The following JAKMIP3 variants were observed in gnomAD, a reference collection of about 807,000 sequenced individuals.
JAKMIP3 encodes the protein janus kinase and microtubule-interacting protein 3.
Under a neutral mutation model 118.5 loss-of-function variants are expected in JAKMIP3, and 58 were observed. That is an observed-to-expected ratio of 0.49 (90% CI 0.40 to 0.61). The LOEUF (loss-of-function observed/expected upper bound fraction) is 0.61. Ranked by LOEUF, JAKMIP3 falls within the 20% of genes least tolerant of loss-of-function variation. JAKMIP3 has a pLI of 0.00. For synonymous variants in JAKMIP3, 486 were observed against 451.2 expected (o/e 1.08, Z -0.98); for missense variants, 950 against 1,109.0 (o/e 0.86, Z 2.04).
intron 2 of JAKMIP3, among the ~76,000 whole-genome samples, chr10:132,114,354 A>G (rs1018346563): frequency 6.6e-6 from 1 of 152,202 alleles, no homozygotes; most frequent in African/African-American, 2.4e-5. Context: ...AGCTGGGACT[A>G]CAGGCGTGCA....
chr10:132,042,805 G>A (rs1452799850), intron 1 of JAKMIP3, among the ~76,000 whole-genome samples: 1 of 152,106 alleles, frequency 6.6e-6, no homozygotes, highest in East Asian at 1.9e-4. Flanking sequence ...GAGCTGTTTT[G>A]TATCAGCTTT....
chr10:132,133,715 G>A (rs903802827), intron 4 of JAKMIP3, among the ~76,000 whole-genome samples, 188 bp downstream of exon 4: 5 of 152,208 alleles, frequency 3.3e-5, no homozygotes, highest in African/African-American at 1.2e-4. Context: ...TGGTCCAGAG[G>A]GCTGGTGGAC....
At chr10:132,072,304 G>A (rs1004481719) in intron 1 of JAKMIP3, among the ~76,000 whole-genome samples, 2 of 152,040 alleles carry the variant, frequency 1.3e-5, no homozygotes, top group African/African-American at 4.8e-5. Context: ...CAGCACTTTG[G>A]GAGGCTGCGG....
intron 1 of JAKMIP3, among the ~76,000 whole-genome samples, chr10:132,100,524 C>T (rs2044685851): frequency 6.6e-6 from 1 of 152,206 alleles, no homozygotes; most frequent in Admixed American, 6.5e-5. Flanking sequence ...TGATTCTCTG[C>T]ACCCTGGTTC....
chr10:132,148,150 A>G, intron 14 of JAKMIP3, 100 bp downstream of exon 14: 1 of 695,170 alleles, frequency 1.4e-6, no homozygotes. Context: ...GAACATGAAC[A>G]TGAACATGAA....
intron 1 of JAKMIP3, among the ~76,000 whole-genome samples, chr10:132,090,154 A>G (rs192974097): frequency 3.9e-5 from 6 of 152,294 alleles, no homozygotes; most frequent in Admixed American, 3.9e-4. Flanking sequence ...CGTCAGGGAT[A>G]TTGGTCTAAA....
chr10:132,039,709 C>T (rs1177066188), intron 1 of JAKMIP3, among the ~76,000 whole-genome samples: 3 of 152,248 alleles, frequency 2.0e-5, no homozygotes, highest in African/African-American at 7.2e-5. Context: ...CCCCCGATTC[C>T]CTACAGCGGC....
At chr10:132,149,571 T>TCTCCGCCCCCGCCCCCCCCCC (rs2055457183) in intron 15 of JAKMIP3, 61 bp downstream of exon 15, 3 of 311,842 alleles carry the variant, frequency 9.6e-6, no homozygotes, top group African/African-American at 2.1e-4. Flanking sequence ...CCCCACCCCC[T>TCTCCGCCCCCGCCCCCCCCCC]CTCCGCCCCC....
intron 9 of JAKMIP3, among the ~76,000 whole-genome samples, chr10:132,139,172 G>A (rs2052601740): frequency 9.1e-6 from 1 of 109,444 alleles, no homozygotes; most frequent in South Asian, 3.5e-4. Context: ...GTACATGTGT[G>A]TATGTGTCTG....
upstream of JAKMIP3, among the ~76,000 whole-genome samples, chr10:132,063,469 C>A (rs1007638164): frequency 6.6e-6 from 1 of 152,226 alleles, no homozygotes; most frequent in Non-Finnish European, 1.5e-5. Context: ...TCATCTATTC[C>A]TGTGTTTTCC....
At chr10:132,157,457 G>A (rs756987333) in intron 19 of JAKMIP3, among the ~76,000 whole-genome samples, 2 of 152,098 alleles carry the variant, frequency 1.3e-5, no homozygotes, top group Non-Finnish European at 2.9e-5. Context: ...CATTTCTGAC[G>A]TCCCGACACA....
chr10:132,083,472 T>C (rs2134248740), intron 1 of JAKMIP3, among the ~76,000 whole-genome samples: 1 of 152,310 alleles, frequency 6.6e-6, no homozygotes, highest in East Asian at 1.9e-4. Flanking sequence ...TTTCTCCCAT[T>C]CTCTGGGTTG....
At chr10:132,163,067 G>T (rs1366987773) in intron 19 of JAKMIP3, 142 bp from the exon 20 acceptor site, 3 of 777,148 alleles carry the variant, frequency 3.9e-6, no homozygotes, top group African/African-American at 3.5e-5. Flanking sequence ...CTTCTGCAGA[G>T]GCCACAGCAC....
At chr10:132,144,938 C>A (rs2054307148) in intron 11 of JAKMIP3, among the ~76,000 whole-genome samples, 169 bp from the exon 12 acceptor site, 1 of 151,896 alleles carries the variant, frequency 6.6e-6, no homozygotes, top group East Asian at 1.9e-4. Flanking sequence ...CAAAAAAAAA[C>A]AAAACAGTTC....
At chr10:132,065,693 C>T (rs1487470756), upstream of JAKMIP3, among the ~76,000 whole-genome samples, 1 of 152,146 alleles carries the variant, frequency 6.6e-6, no homozygotes, top group East Asian at 1.9e-4. This position sits in a 1 kb window ranked among gnomAD's most constrained non-coding sequence, Gnocchi z 5.6. Context: ...GCTGTGCCTT[C>T]GGCCGCCCGG....
In JAKMIP3 at chr10:132,149,499, G is replaced by A. The variant is rs1413063933; in HGVS notation, c.1936G>A (p.Glu646Lys). The A allele has an allele frequency of 1.7e-5, 27 of 1,571,660 alleles. No individual in the cohort carries two copies. Among genetic ancestry groups the A allele is most frequent in the Middle Eastern group, 1.7e-4 (1 of 5,944 alleles). Reference protein sequence around the residue: ...KSPLQVYCEAEGVTDIVVAEL... With the variant: ...KSPLQVYCEAKGVTDIVVAEL... ...CCCCCTCCAGGTGTACTGCGAGGCC[G>A]AAGGTGTGACGGTGAGTCCCGCCCC... Residue 646 changes from glutamate (E) to lysine (K), a missense_variant, in exon 15 of 24, where the codon GAA becomes AAA. Physicochemically the swap from Glu to Lys is moderately conservative, Grantham distance 56. Transcript: ENST00000684848.
intron 16 of JAKMIP3, 49 bp from the exon 17 acceptor site, chr10:132,152,909 C>T (rs1355045913): frequency 2.0e-6 from 3 of 1,467,858 alleles, no homozygotes; most frequent in Admixed American, 1.9e-5. Context: ...CACCCTCACC[C>T]CCAAAGGCAC....
intron 1 of JAKMIP3, among the ~76,000 whole-genome samples, chr10:132,090,178 G>C (rs1273845012): frequency 6.6e-6 from 1 of 152,084 alleles, no homozygotes; most frequent in East Asian, 1.9e-4. Flanking sequence ...CTCTTTTTTG[G>C]TTGTGTCTCT....
At chr10:132,147,649 G>A (rs551432971) in intron 13 of JAKMIP3, among the ~76,000 whole-genome samples, 8 of 152,302 alleles carry the variant, frequency 5.3e-5, no homozygotes, top group South Asian at 2.1e-4. Context: ...TATCCTTGAC[G>A]GCCTCCCTTC....
Sources: allele counts gnomAD v4.1 joint callset (sites outside exome capture counted in the v4.1 genomes callset), GRCh38; gene constraint gnomAD v4.1.1; non-coding constraint Gnocchi (gnomAD v3.1); transcripts MANE v1.5; gene names NCBI Gene and HGNC (gene_info 2026-07-23, HGNC 2026-07-21).